Variants in WAPL observed in about 807,000 individuals in gnomAD.
The protein encoded by WAPL is WAPL cohesin release factor.
A neutral mutation model predicts 121.0 loss-of-function variants in WAPL; 5 were observed. The ratio of observed to expected loss-of-function variants is 0.04; its 90% CI spans 0.02 to 0.09. WAPL has a LOEUF of 0.09. WAPL is among the 10% of genes least tolerant of loss of function. The pLI is 1.00. For missense variants in WAPL, 999 were observed against 1,410.8 expected, an observed-to-expected ratio of 0.71 and a Z score of 4.68; for synonymous variants, 480 against 481.5, an observed-to-expected ratio of 1.00 and a Z score of 0.04.
chr10:86,480,991 TTAA>T (rs1486778757), intron 4 of WAPL, among the ~76,000 whole-genome samples: 2 of 152,186 alleles, frequency 1.3e-5, no homozygotes, highest in African/African-American at 2.4e-5. Flanking sequence ...AAGCTATCTA[TTAA>T]TAACTAATTT....
chr10:86,517,042 CCTT>C lies in WAPL; in HGVS notation c.499+526_499+528del, dbSNP rs1373577817. Among the ~76,000 whole-genome samples, 10 of 152,034 alleles carry C rather than the reference CCTT, an allele frequency of 6.6e-5. No homozygotes were observed. The East Asian group carries it at 1.2e-3, about 18-fold the overall frequency. ...AGCCAGCATGGGCGACAGCGAGACT[CCTT>C]CTCAAAAAAAAAAATCTATCAATAC... On this transcript the variant is annotated intron_variant, in intron 2 of 18. Coordinates refer to ENST00000298767, the MANE Select transcript of WAPL (RefSeq NM_015045.5).
At chr10:86,439,902 C>G (rs553277449) in intron 17 of WAPL, among the ~76,000 whole-genome samples, 5 of 152,234 alleles carry the variant, frequency 3.3e-5, no homozygotes, top group South Asian at 4.1e-4. Flanking sequence ...GACCACAAAG[C>G]AGCATTTACT....
chr10:86,479,797 G>C (rs922266368), intron 4 of WAPL, among the ~76,000 whole-genome samples: 1 of 152,098 alleles, frequency 6.6e-6, no homozygotes, highest in East Asian at 1.9e-4. Context: ...GTACTTTAGC[G>C]GCAATTCAAA....
At chr10:86,504,922 T>C (rs1259799149) in intron 2 of WAPL, among the ~76,000 whole-genome samples, 1 of 152,220 alleles carries the variant, frequency 6.6e-6, no homozygotes, top group Non-Finnish European at 1.5e-5. Flanking sequence ...TTCATATATA[T>C]ATAAACTAAC....
chr10:86,506,109 C>A (rs1490825389), intron 2 of WAPL, among the ~76,000 whole-genome samples: 1 of 152,142 alleles, frequency 6.6e-6, no homozygotes, highest in Admixed American at 6.5e-5. Flanking sequence ...ATGGTACACA[C>A]CCGTGGTCCC....
intron 8 of WAPL, among the ~76,000 whole-genome samples, chr10:86,468,203 T>G (rs1488464987): frequency 6.6e-6 from 1 of 151,960 alleles, no homozygotes; most frequent in African/African-American, 2.4e-5. Context: ...TATACCTCAT[T>G]TTTTTTCCTT....
chr10:86,447,644 T>C (rs1192226929), intron 15 of WAPL, among the ~76,000 whole-genome samples: 1 of 151,896 alleles, frequency 6.6e-6, no homozygotes, highest in South Asian at 2.1e-4. Flanking sequence ...ACAGGAAGTA[T>C]GTGTTTGGTG....
intron 9 of WAPL, among the ~76,000 whole-genome samples, chr10:86,464,618 C>A (rs1841357528): frequency 6.6e-6 from 1 of 152,150 alleles, no homozygotes; most frequent in Non-Finnish European, 1.5e-5. Context: ...GGACAGATCA[C>A]CTGAGTTCAG....
At position 86,497,143 on chromosome 10, in the gene WAPL, G is replaced by C. The variant is rs568271295; in HGVS notation, c.1644+58C>G. On this transcript the variant is annotated intron_variant, in intron 4 of 18. Transcript: ENST00000298767. ...TAGTAACTTTCAAATAAAAAATTAA[G>C]AGTTGAGCCCTCCAATAACAAATAA... is the stretch of plus-strand genomic sequence containing the variant. The C allele has an allele frequency of 1.6e-4, 209 of 1,337,442 alleles. 4 individuals are homozygous for C. The South Asian group carries it at 2.4e-3, about 15-fold the overall frequency. The allele number at this position is 1,337,442 out of a possible 1,614,324, so 82.8% of individuals were successfully genotyped here. A position where few individuals can be genotyped will look rare whatever the true frequency, so the allele number is the denominator to read the frequency against.
rs1305680843 is a variant in WAPL at position 86,437,508 on chromosome 10, A to G, written c.*35T>C. 2 of 1,604,430 alleles carry G rather than the reference A, an allele frequency of 1.2e-6. No individual in the cohort carries two copies. The highest frequency in any genetic ancestry group is 1.7e-6 in the Non-Finnish European group (2 of 1,173,366). ...CTTTTCTTTGTCTAAGGATAGCTCCAGCATTACCGAGCACCTGAAGCAAAG... is the reference window on the plus strand; with the variant it reads ...CTTTTCTTTGTCTAAGGATAGCTCCGGCATTACCGAGCACCTGAAGCAAAG... On this transcript the variant is annotated 3_prime_UTR_variant, in exon 19 of 19. Coordinates refer to ENST00000298767, the MANE Select transcript of WAPL (RefSeq NM_015045.5).
At chr10:86,515,428 T>G (rs1318748806) in intron 2 of WAPL, among the ~76,000 whole-genome samples, 1 of 152,108 alleles carries the variant, frequency 6.6e-6, no homozygotes, top group Non-Finnish European at 1.5e-5. Context: ...GGACAGTCAT[T>G]TAACCTCTTT....
In WAPL at chr10:86,517,781, A is replaced by G; in HGVS notation, c.289T>C (p.Tyr97His). 2 of 1,614,200 alleles carry G rather than the reference A, an allele frequency of 1.2e-6. No homozygotes were observed. Among genetic ancestry groups the G allele is most frequent in the Non-Finnish European group, 1.7e-6 (2 of 1,180,028 alleles). ...KNLAQVKCSS[Y>H]SESSEAAQLE... Reference sequence around the variant, plus strand: ...TGAGCAGCTTCACTAGATTCTGAATAAGAGGAACACTTAACCTGGGCTAAA... The same window carrying G: ...TGAGCAGCTTCACTAGATTCTGAATGAGAGGAACACTTAACCTGGGCTAAA... The change falls in exon 2 of 19, where the codon TAT becomes CAT. Residue 97 changes from tyrosine (Y) to histidine (H), a missense_variant. Tyr to His is a moderately conservative substitution (Grantham distance 83, BLOSUM62 2). Transcript: ENST00000298767.
chr10:86,511,351 T>C (rs1842460302), intron 2 of WAPL, among the ~76,000 whole-genome samples: 1 of 152,222 alleles, frequency 6.6e-6, no homozygotes, highest in Non-Finnish European at 1.5e-5. Flanking sequence ...AGGGAATCCA[T>C]AATTTGCCCC....
At chr10:86,473,549 C>T (rs1419662119) in intron 5 of WAPL, among the ~76,000 whole-genome samples, 1 of 152,188 alleles carries the variant, frequency 6.6e-6, no homozygotes, top group Non-Finnish European at 1.5e-5. Flanking sequence ...TAATACACAA[C>T]ATAGCTCTTA....
chr10:86,498,386 T>C (rs1842188306), intron 3 of WAPL, among the ~76,000 whole-genome samples: 1 of 152,198 alleles, frequency 6.6e-6, no homozygotes, highest in Admixed American at 6.5e-5. Flanking sequence ...CAACACTGGA[T>C]GTATTTCTTT....
At chr10:86,458,376 T>G (rs1841199054) in intron 12 of WAPL, among the ~76,000 whole-genome samples, 1 of 152,060 alleles carries the variant, frequency 6.6e-6, no homozygotes, top group South Asian at 2.1e-4. Flanking sequence ...TGTGATGAAA[T>G]GTGGGAAGAA....
intron 15 of WAPL, among the ~76,000 whole-genome samples, chr10:86,449,337 T>C (rs968508690): frequency 2.0e-5 from 3 of 152,184 alleles, no homozygotes; most frequent in Non-Finnish European, 2.9e-5. Flanking sequence ...CTGATGTGAG[T>C]ACAAGGCAGC....
intron 4 of WAPL, among the ~76,000 whole-genome samples, chr10:86,482,194 CTGT>C (rs1231185559): frequency 2.0e-5 from 3 of 152,128 alleles, no homozygotes; most frequent in African/African-American, 4.8e-5. Context: ...TGTGCTGCTG[CTGT>C]TGTTCACTGT....
At chr10:86,491,725 C>A (rs1428889044) in intron 4 of WAPL, among the ~76,000 whole-genome samples, 6 of 148,898 alleles carry the variant, frequency 4.0e-5, no homozygotes, top group Admixed American at 3.3e-4. Flanking sequence ...TATAAAACAA[C>A]TTCAACTTAA....
Sources: gnomAD v4.1 joint callset for allele counts (sites outside exome capture counted in the v4.1 genomes callset) on GRCh38, gnomAD v4.1.1 for gene constraint, MANE v1.5 for transcripts, NCBI Gene and HGNC (gene_info 2026-07-23, HGNC 2026-07-21) for gene names.